C3orf70: variants seen among roughly 807,000 people sequenced by gnomAD.
The protein encoded by C3orf70 is chromosome 3 open reading frame 70.
A neutral mutation model predicts 20.7 loss-of-function variants in C3orf70; 15 were observed. The observed-to-expected ratio is 0.72, with a 90% CI of 0.48 to 1.11. C3orf70 has a LOEUF of 1.11. Ranked by LOEUF, C3orf70 falls within the 50% of genes most tolerant of loss-of-function variation. C3orf70 has a pLI of 0.00. For missense variants in C3orf70, 332 were observed against 317.6 expected (o/e 1.05, Z -0.34); for synonymous variants, 161 against 125.7 (o/e 1.28, Z -1.88).
At chr3:185,089,247 C>CATTT (rs138781625) in intron 1 of C3orf70, among the ~76,000 whole-genome samples, 8 of 151,886 alleles carry the variant, frequency 5.3e-5, no homozygotes, top group South Asian at 4.2e-4. Flanking sequence ...CCTTCTCCCT[C>CATTT]ATTTATTTAT....
intron 1 of C3orf70, 79 bp downstream of exon 1, chr3:185,152,549 G>T: frequency 1.5e-6 from 2 of 1,353,162 alleles, no homozygotes; most frequent in Non-Finnish European, 2.0e-6. Context: ...CGGCCGCAGA[G>T]TTCCGGCAGC....
At chr3:185,126,838 T>C (rs956450311) in intron 1 of C3orf70, among the ~76,000 whole-genome samples, 1 of 152,134 alleles carries the variant, frequency 6.6e-6, no homozygotes, top group Non-Finnish European at 1.5e-5. Context: ...AAACAAGCCC[T>C]GGAGAGATGG....
chr3:185,139,545 T>C (rs1273196298), intron 1 of C3orf70, among the ~76,000 whole-genome samples: 4 of 95,352 alleles, frequency 4.2e-5, no homozygotes, highest in African/African-American at 1.2e-4. Flanking sequence ...GGAGCAAGAC[T>C]GTCTCAAAAA....
In C3orf70 at chr3:185,080,348, G is replaced by A. The variant is rs1329705124; in HGVS notation, c.*2659C>T. 1.3e-5 allele frequency: 2 copies of A among 152,600 alleles called. No individual in the cohort carries two copies. Among genetic ancestry groups the A allele is most frequent in the Non-Finnish European group, 2.9e-5 (2 of 68,030 alleles). The allele number at this position is 152,600 out of a possible 1,614,324, so 9.5% of individuals were successfully genotyped here. A position where few individuals can be genotyped will look rare whatever the true frequency, so the allele number is the denominator to read the frequency against. On this transcript the variant is annotated 3_prime_UTR_variant, in exon 2 of 2. Coordinates refer to ENST00000335012, the MANE Select transcript of C3orf70 (RefSeq NM_001025266.3). ...GCAGTTCAGGAGTCTAAAAAAACAG[G>A]AACCTAGACAGAAGTCTTAGATGGT...
At chr3:185,139,969 T>A (rs544864835) in intron 1 of C3orf70, among the ~76,000 whole-genome samples, 3 of 152,270 alleles carry the variant, frequency 2.0e-5, no homozygotes, top group South Asian at 2.1e-4. Flanking sequence ...ACTGATAAAC[T>A]GGACTCCATC....
intron 1 of C3orf70, among the ~76,000 whole-genome samples, chr3:185,114,978 G>A (rs1051578982): frequency 4.7e-4 from 71 of 152,140 alleles, no homozygotes; most frequent in African/African-American, 1.7e-3. Flanking sequence ...TCACTCAAAC[G>A]CTCTGGTTTA....
Position 185,104,111 on chromosome 3 carries a change from C to T in C3orf70, c.197-20548G>A, listed in dbSNP as rs79302478. On this transcript the variant is annotated intron_variant, in intron 1 of 1. Coordinates refer to ENST00000335012, the MANE Select transcript of C3orf70 (RefSeq NM_001025266.3). ...AAAGCTTTTGAGTTCAACTGTAAAACGGCAATCCACTCTGGCTCCCCCCTC... is the reference window on the plus strand; with the variant it reads ...AAAGCTTTTGAGTTCAACTGTAAAATGGCAATCCACTCTGGCTCCCCCCTC... Among the ~76,000 whole-genome samples, 610 of 152,276 alleles carry T rather than the reference C, an allele frequency of 4.0e-3. 4 individuals carry two copies. The highest frequency in any genetic ancestry group is 5.9e-3 in the Non-Finnish European group (403 of 68,020).
At chr3:185,140,781 T>A (rs1716734046) in intron 1 of C3orf70, among the ~76,000 whole-genome samples, 1 of 138,502 alleles carries the variant, frequency 7.2e-6, no homozygotes, top group Admixed American at 7.3e-5. Flanking sequence ...AAACCCCGTC[T>A]CTACTAAAAA....
At chr3:185,097,291 A>G (rs1715729437) in intron 1 of C3orf70, among the ~76,000 whole-genome samples, 1 of 152,244 alleles carries the variant, frequency 6.6e-6, no homozygotes, top group Non-Finnish European at 1.5e-5. Flanking sequence ...ATAACTGGAC[A>G]TATTAACAAG....
At chr3:185,140,885 TTGAACCCAGGAGGCAGAGGCTGCAG>T (rs1716736714) in intron 1 of C3orf70, among the ~76,000 whole-genome samples, 1 of 150,290 alleles carries the variant, frequency 6.7e-6, no homozygotes, top group African/African-American at 2.5e-5. Context: ...GGAGAATCGC[TTGAACCCAGGAGGCAGAGGCTGCAG>T]TGACCCGAGA....
chr3:185,124,454 T>C (rs1398081283), intron 1 of C3orf70, among the ~76,000 whole-genome samples: 4 of 152,200 alleles, frequency 2.6e-5, no homozygotes, highest in African/African-American at 4.8e-5. Context: ...AATACAGCTA[T>C]GGTAATTAGG....
At chr3:185,149,346 C>T (rs1057121444) in intron 1 of C3orf70, among the ~76,000 whole-genome samples, 7 of 149,092 alleles carry the variant, frequency 4.7e-5, no homozygotes, top group Admixed American at 6.7e-5. Flanking sequence ...GAGCAGACAT[C>T]GCGCCACTAC....
chr3:185,106,069 C>A (rs1287676085), intron 1 of C3orf70, among the ~76,000 whole-genome samples: 1 of 152,160 alleles, frequency 6.6e-6, no homozygotes, highest in East Asian at 1.9e-4. Context: ...CCATATCTTT[C>A]TTTTCCAGAG....
intron 1 of C3orf70, among the ~76,000 whole-genome samples, chr3:185,137,875 A>G (rs1471799517): frequency 6.6e-6 from 1 of 152,204 alleles, no homozygotes; most frequent in Non-Finnish European, 1.5e-5. Context: ...GTGAGCAGAA[A>G]GAAGAGCGTA....
intron 1 of C3orf70, among the ~76,000 whole-genome samples, chr3:185,124,488 T>C (rs923410527): frequency 6.6e-6 from 1 of 152,296 alleles, no homozygotes; most frequent in South Asian, 2.1e-4. Flanking sequence ...GGTGAAAGGA[T>C]AGACACAAAT....
chr3:185,091,146 A>G (rs1412991695), intron 1 of C3orf70, among the ~76,000 whole-genome samples: 1 of 152,162 alleles, frequency 6.6e-6, no homozygotes, highest in Non-Finnish European at 1.5e-5. Context: ...AAGTAAAACA[A>G]GAGTTGAATA....
At chr3:185,099,002 A>G (rs1002723723) in intron 1 of C3orf70, among the ~76,000 whole-genome samples, 1 of 152,208 alleles carries the variant, frequency 6.6e-6, no homozygotes, top group Non-Finnish European at 1.5e-5. Context: ...CGATCAGCCA[A>G]TACCCATCTA....
At chr3:185,108,480 A>G (rs1715993156) in intron 1 of C3orf70, among the ~76,000 whole-genome samples, 1 of 152,246 alleles carries the variant, frequency 6.6e-6, no homozygotes, top group South Asian at 2.1e-4. Context: ...ACCCAATTGC[A>G]AACAGCAGTT....
chr3:185,136,414 C>G (rs1716622456), intron 1 of C3orf70, among the ~76,000 whole-genome samples: 1 of 151,964 alleles, frequency 6.6e-6, no homozygotes, highest in African/African-American at 2.4e-5. Flanking sequence ...ATGGAGAAAC[C>G]CTGTCTCTAC....
Sources: allele counts gnomAD v4.1 joint callset (sites outside exome capture counted in the v4.1 genomes callset), GRCh38; gene constraint gnomAD v4.1.1; transcripts MANE v1.5; gene names NCBI Gene and HGNC (gene_info 2026-07-23, HGNC 2026-07-21).